TAFA1: variants seen among roughly 807,000 people sequenced by gnomAD.
TAFA1 encodes the protein chemokine-like protein TAFA-1.
A neutral mutation model predicts 18.5 loss-of-function variants in TAFA1; 4 were observed. That is an observed-to-expected ratio of 0.22 (90% CI 0.11 to 0.49). The LOEUF is 0.49. TAFA1 is among the 20% of genes least tolerant of loss of function. TAFA1 has a pLI of 0.98. For synonymous variants in TAFA1, 56 were observed against 55.2 expected (o/e 1.01, Z -0.06); for missense variants, 147 against 169.0 (o/e 0.87, Z 0.72).
intron 2 of TAFA1, among the ~76,000 whole-genome samples, chr3:68,232,003 T>C (rs192254706): frequency 2.0e-5 from 3 of 152,334 alleles, no homozygotes; most frequent in African/African-American, 7.2e-5. Context: ...GTGTACAGTA[T>C]GCAGTGATAA....
At chr3:68,229,402 A>G (rs2066843333) in intron 2 of TAFA1, among the ~76,000 whole-genome samples, 1 of 152,198 alleles carries the variant, frequency 6.6e-6, no homozygotes, top group African/African-American at 2.4e-5. Context: ...CTGCTGCTTT[A>G]CTGTCTAAAA....
chr3:68,400,531 A>C (rs985941377), intron 2 of TAFA1, among the ~76,000 whole-genome samples: 1 of 152,180 alleles, frequency 6.6e-6, no homozygotes, highest in African/African-American at 2.4e-5. Context: ...AACCCCAGTA[A>C]TCCTCCCAAC....
chr3:68,364,358 C>T lies in TAFA1; in HGVS notation c.119-52922C>T, dbSNP rs115821179. On this transcript the variant is annotated intron_variant, in intron 2 of 4. Coordinates refer to ENST00000478136, the MANE Select transcript of TAFA1 (RefSeq NM_213609.4). Reference sequence around the variant, plus strand: ...CGTCACAGGAAACTTTAGAAAACTACGATTAATGGCAGTTATTATTTACAC... The same window carrying T: ...CGTCACAGGAAACTTTAGAAAACTATGATTAATGGCAGTTATTATTTACAC... Among the ~76,000 whole-genome samples, 457 of 152,166 alleles carry T rather than the reference C, an allele frequency of 3.0e-3. 2 individuals carry two copies. Among genetic ancestry groups the T allele is most frequent in the Middle Eastern group, 6.8e-3 (2 of 294 alleles).
intron 2 of TAFA1, among the ~76,000 whole-genome samples, chr3:68,233,116 A>AT (rs2066891191): frequency 6.6e-6 from 1 of 151,926 alleles, no homozygotes; most frequent in Non-Finnish European, 1.5e-5. Flanking sequence ...GACATTGAGC[A>AT]TTTTTTCATT....
intron 2 of TAFA1, among the ~76,000 whole-genome samples, chr3:68,021,838 A>T (rs1380537140): frequency 1.3e-5 from 2 of 152,150 alleles, no homozygotes; most frequent in East Asian, 3.8e-4. Flanking sequence ...GTAAATTTGC[A>T]ATTAGTGTTT....
intron 3 of TAFA1, among the ~76,000 whole-genome samples, chr3:68,441,122 G>A (rs1380489079): frequency 6.6e-6 from 1 of 152,144 alleles, no homozygotes; most frequent in Non-Finnish European, 1.5e-5. Flanking sequence ...GGCCTAGTGG[G>A]CCTATTTGGA....
chr3:68,020,848 C>T (rs2106795914), intron 2 of TAFA1, among the ~76,000 whole-genome samples: 1 of 152,174 alleles, frequency 6.6e-6, no homozygotes, highest in Admixed American at 6.5e-5. Context: ...TCCAAAAGTA[C>T]ATTGTGTACG....
chr3:68,540,861 G>A (rs1032687503), intron 4 of TAFA1, among the ~76,000 whole-genome samples: 3 of 152,124 alleles, frequency 2.0e-5, no homozygotes, highest in Admixed American at 6.6e-5. Flanking sequence ...TTTGGCCTCT[G>A]TAGAGTACAT....
intron 2 of TAFA1, among the ~76,000 whole-genome samples, chr3:68,071,431 T>G (rs564564945): frequency 1.3e-5 from 2 of 152,014 alleles, no homozygotes; most frequent in African/African-American, 4.8e-5. Flanking sequence ...AAGATGAGAT[T>G]TGGGTGGGGA....
chr3:68,081,145 C>T (rs1338808808), intron 2 of TAFA1, among the ~76,000 whole-genome samples: 2 of 152,140 alleles, frequency 1.3e-5, no homozygotes, highest in African/African-American at 4.8e-5. Flanking sequence ...AGTTCTCGAG[C>T]CTTGGTTTTC....
chr3:68,213,189 G>A (rs1316200496), intron 2 of TAFA1, among the ~76,000 whole-genome samples: 1 of 151,966 alleles, frequency 6.6e-6, no homozygotes, highest in African/African-American at 2.4e-5. Flanking sequence ...GCTAATGTAA[G>A]TGGAAACTGA....
chr3:68,445,869 C>A (rs2071466977), intron 3 of TAFA1, among the ~76,000 whole-genome samples: 1 of 152,050 alleles, frequency 6.6e-6, no homozygotes, highest in South Asian at 2.1e-4. Context: ...CCCTATCTGG[C>A]CTAACATTTG....
chr3:68,058,947 C>T (rs2064568197), intron 2 of TAFA1, among the ~76,000 whole-genome samples: 2 of 152,182 alleles, frequency 1.3e-5, no homozygotes, highest in East Asian at 3.9e-4. Context: ...CCAGTGATTG[C>T]TGAAGATGAG....
intron 2 of TAFA1, among the ~76,000 whole-genome samples, chr3:68,322,980 C>T (rs920925915): frequency 6.6e-6 from 1 of 152,070 alleles, no homozygotes; most frequent in African/African-American, 2.4e-5. Context: ...CCAGGACACT[C>T]CCAGTACAGC....
chr3:68,116,256 AAAACAAAC>A (rs138208356), intron 2 of TAFA1, among the ~76,000 whole-genome samples: 40 of 151,226 alleles, frequency 2.6e-4, no homozygotes, highest in South Asian at 8.4e-4. Flanking sequence ...TGCCGTCGCA[AAAACAAAC>A]AAACAAACAA....
At position 68,228,766 on chromosome 3, in the gene TAFA1, T is replaced by C. The variant is rs113366910; in HGVS notation, c.119-188514T>C. On this transcript the variant is annotated intron_variant, in intron 2 of 4. Transcript: ENST00000478136. ...TTAGTAAAACCAGCTTTGGGAAATA[T>C]GCCAAGACTGGAATAAAACCACATC... Among the ~76,000 whole-genome samples the C allele has an allele frequency of 4.8e-4, 73 of 152,334 alleles. 1 individual carries two copies. Among genetic ancestry groups the C allele is most frequent in the African/African-American group, 1.7e-3 (72 of 41,578 alleles).
chr3:68,066,223 T>C (rs553300167), intron 2 of TAFA1, among the ~76,000 whole-genome samples: 2 of 152,178 alleles, frequency 1.3e-5, no homozygotes, highest in South Asian at 4.1e-4. Context: ...GTGTCATATA[T>C]GTATGTACAC....
intron 2 of TAFA1, among the ~76,000 whole-genome samples, chr3:68,065,880 A>G (rs1464470528): frequency 6.6e-6 from 1 of 152,066 alleles, no homozygotes. Flanking sequence ...AGAGAAATAA[A>G]TTGTGATATA....
chr3:68,491,914 A>C lies in TAFA1; in HGVS notation c.260-46842A>C, dbSNP rs115867906. On this transcript the variant is annotated intron_variant, in intron 3 of 4. Coordinates refer to ENST00000478136, the MANE Select transcript of TAFA1 (RefSeq NM_213609.4). The stretch of plus-strand genomic sequence containing the variant: ...AAATCTGCATCTTAACAAGACTTCC[A>C]GATAATTCTGAAGCCCACCAAAGAC... Among the ~76,000 whole-genome samples, 1,111 of 152,330 alleles carry C rather than the reference A, an allele frequency of 7.3e-3. 13 individuals are homozygous for C. Among genetic ancestry groups the C allele is most frequent in the African/African-American group, 0.026 (1,068 of 41,574 alleles).
Sources: allele counts gnomAD v4.1 joint callset (sites outside exome capture counted in the v4.1 genomes callset), GRCh38; gene constraint gnomAD v4.1.1; transcripts MANE v1.5; gene names NCBI Gene and HGNC (gene_info 2026-07-23, HGNC 2026-07-21).